TENM2: variants seen among roughly 807,000 people sequenced by gnomAD.
TENM2 encodes teneurin-2.
In TENM2, 52 loss-of-function variants were observed where a neutral mutation model predicts 245.2. The observed-to-expected ratio is 0.21, with a 90% confidence interval of 0.17 to 0.27. TENM2 has a LOEUF of 0.27. Among genes scored for constraint, TENM2 ranks in the 10% least tolerant of loss-of-function variants. The pLI is 1.00. For missense variants in TENM2, 3,046 were observed against 3,666.8 expected, an observed-to-expected ratio of 0.83 and a Z score of 4.37; for synonymous variants, 1,363 against 1,438.9, an observed-to-expected ratio of 0.95 and a Z score of 1.19.
intron 1 of TENM2, among the ~76,000 whole-genome samples, chr5:167,357,344 G>T (rs973450611): frequency 6.9e-6 from 1 of 145,730 alleles, no homozygotes; most frequent in Admixed American, 7.0e-5. Context: ...GTTCAGTGGC[G>T]CAATCTCAGC....
chr5:167,016,261 A>AC, the TENM2 span, among the ~76,000 whole-genome samples: 17 of 117,138 alleles, frequency 1.5e-4, no homozygotes, highest in African/African-American at 5.1e-4. Context: ...CTCAAAAAAA[A>AC]AAACAAACAA....
intron 14 of TENM2, among the ~76,000 whole-genome samples, chr5:168,194,427 G>A (rs1761209155): frequency 6.6e-6 from 1 of 152,116 alleles, no homozygotes. Flanking sequence ...TCTGGAAAGA[G>A]GGAGATGTTC....
intron 19 of TENM2, 85 bp downstream of exon 21, chr5:168,204,706 G>C: frequency 6.6e-7 from 1 of 1,524,518 alleles, no homozygotes; most frequent in Non-Finnish European, 8.9e-7. Context: ...GCTGCATTTG[G>C]GATTCTCCAG....
chr5:167,986,787 C>T (rs1399186299), intron 4 of TENM2, among the ~76,000 whole-genome samples: 2 of 152,176 alleles, frequency 1.3e-5, no homozygotes, highest in African/African-American at 4.8e-5. Flanking sequence ...ACTGAGCAGG[C>T]CTCTGAAGGG....
intron 2 of TENM2, among the ~76,000 whole-genome samples, chr5:167,684,640 T>C (rs1409703027): frequency 6.6e-6 from 1 of 152,230 alleles, no homozygotes; most frequent in Non-Finnish European, 1.5e-5. Flanking sequence ...AAGTATGCTA[T>C]AGGCTATTTT....
chr5:167,270,524 A>C, the TENM2 span, among the ~76,000 whole-genome samples: 2 of 152,088 alleles, frequency 1.3e-5, no homozygotes, highest in Admixed American at 1.3e-4. Flanking sequence ...TCTCTTCATC[A>C]TGATCTCTCT....
At chr5:167,901,447 C>T (rs1325375213) in intron 3 of TENM2, among the ~76,000 whole-genome samples, 1 of 152,198 alleles carries the variant, frequency 6.6e-6, no homozygotes, top group Non-Finnish European at 1.5e-5. Flanking sequence ...AAACATACAG[C>T]ACCATGAACC....
intron 2 of TENM2, among the ~76,000 whole-genome samples, chr5:167,655,607 C>T (rs1450559123): frequency 6.6e-6 from 1 of 152,204 alleles, no homozygotes; most frequent in Non-Finnish European, 1.5e-5. Context: ...GTATCAGTCA[C>T]ATCACATTTG....
At chr5:167,720,714 T>C (rs979245492) in intron 2 of TENM2, among the ~76,000 whole-genome samples, 3 of 152,226 alleles carry the variant, frequency 2.0e-5, no homozygotes, top group Non-Finnish European at 4.4e-5. Context: ...GAATAATATA[T>C]ACTCGTGGTT....
intron 2 of TENM2, among the ~76,000 whole-genome samples, chr5:167,700,224 C>T (rs1415777926): frequency 6.6e-6 from 1 of 152,180 alleles, no homozygotes; most frequent in Non-Finnish European, 1.5e-5. Flanking sequence ...AAATAAAGTA[C>T]TTCCTTTAAA....
At chr5:167,452,862 A>G (rs1765666036) in intron 2 of TENM2, among the ~76,000 whole-genome samples, 1 of 144,396 alleles carries the variant, frequency 6.9e-6, no homozygotes, top group Non-Finnish European at 1.5e-5. Context: ...GCACACCAAC[A>G]TGGCACATGT....
the TENM2 span, among the ~76,000 whole-genome samples, chr5:167,234,326 A>G: frequency 6.6e-6 from 1 of 152,112 alleles, no homozygotes; most frequent in Non-Finnish European, 1.5e-5. Context: ...TCTTCGCTCT[A>G]ACTGCCAGAG....
chr5:167,416,436 C>T (rs1350460219), intron 2 of TENM2, among the ~76,000 whole-genome samples: 1 of 152,088 alleles, frequency 6.6e-6, no homozygotes, highest in East Asian at 1.9e-4. Context: ...ATACGGGGCT[C>T]CTAATTGCAA....
the TENM2 span, among the ~76,000 whole-genome samples, chr5:167,088,720 CAAT>C: frequency 6.6e-6 from 1 of 151,804 alleles, no homozygotes; most frequent in Non-Finnish European, 1.5e-5. Context: ...TAGCTAATAC[CAAT>C]AATGATACTA....
intron 2 of TENM2, among the ~76,000 whole-genome samples, chr5:167,522,822 A>T (rs1054437387): frequency 3.0e-4 from 5 of 16,692 alleles, no homozygotes; most frequent in African/African-American, 1.1e-3. Flanking sequence ...TCTGCCCTAT[A>T]AAAAAAAAAG....
chr5:167,798,863 A>T (rs1269808391), intron 2 of TENM2, among the ~76,000 whole-genome samples: 3 of 152,194 alleles, frequency 2.0e-5, no homozygotes, highest in Non-Finnish European at 4.4e-5. Context: ...TTACAGTCAG[A>T]AAAGGACTTA....
downstream of TENM2, chr5:168,263,042 C>T (rs979502837): frequency 8.6e-5 from 42 of 486,608 alleles, 1 homozygote; most frequent in Admixed American, 2.5e-4. Flanking sequence ...ACAAAACAAA[C>T]GAATGAATGA....
chr5:167,908,055 CTCTG>C (rs553061096), intron 3 of TENM2, among the ~76,000 whole-genome samples: 47 of 152,190 alleles, frequency 3.1e-4, no homozygotes, highest in South Asian at 1.0e-3. Flanking sequence ...ATTTGATTAT[CTCTG>C]TCTGTCTGTA....
chr5:167,321,205 A>T (rs1005567824), intron 1 of TENM2, among the ~76,000 whole-genome samples: 1 of 140,200 alleles, frequency 7.1e-6, no homozygotes, highest in East Asian at 2.9e-4. Context: ...TCACAAAATT[A>T]AAAAAAAAAA....
Sources: gnomAD v4.1 joint callset for allele counts (sites outside exome capture counted in the v4.1 genomes callset) on GRCh38, gnomAD v4.1.1 for gene constraint, MANE v1.5 for transcripts, NCBI Gene and HGNC (gene_info 2026-07-23, HGNC 2026-07-21) for gene names.